HNRNPH1: variants seen among roughly 807,000 people sequenced by gnomAD.
HNRNPH1 encodes the protein heterogeneous nuclear ribonucleoprotein H1, also known as heterogeneous nuclear ribonucleoprotein H.
HNRNPH1 carries 4 observed loss-of-function variants against 58.6 expected under a neutral mutation model. That is an observed-to-expected ratio of 0.07 (90% confidence interval 0.03 to 0.16). The LOEUF is 0.16. HNRNPH1 is among the 10% of genes least tolerant of loss of function. The pLI, the probability that HNRNPH1 is intolerant of heterozygous loss-of-function variation, is 1.00. For missense variants in HNRNPH1, 271 were observed against 564.2 expected, an observed-to-expected ratio of 0.48 and a Z score of 5.26; for synonymous variants, 192 against 189.2, an observed-to-expected ratio of 1.01 and a Z score of -0.12.
intron 7 of HNRNPH1, 36 bp downstream of exon 8, chr5:179,617,763 C>T: frequency 6.2e-7 from 1 of 1,611,714 alleles, no homozygotes. Context: ...TACTGCCATA[C>T]TGAAATATTG....
At chr5:179,630,755 C>CA (rs1457426360) in intron 2 of HNRNPH1, among the ~76,000 whole-genome samples, 3 of 151,876 alleles carry the variant, frequency 2.0e-5, no homozygotes, top group Non-Finnish European at 4.4e-5. Flanking sequence ...ACTAAAAGTA[C>CA]AAAAAATCAG....
chr5:179,624,293 C>A (rs1774112184), exon 1 of HNRNPH1: 1 of 389,176 alleles, frequency 2.6e-6, no homozygotes, highest in Admixed American at 4.5e-5. Flanking sequence ...CGTCCCAGCC[C>A]TGTGTGCCTC....
At chr5:179,618,195 A>C (rs199693294) in exon 5 of HNRNPH1, 8 of 1,614,162 alleles carry the variant, frequency 5.0e-6, no homozygotes, top group Non-Finnish European at 6.8e-6. Flanking sequence ...TCCTCTGCCA[A>C]TGCTGTTATA....
chr5:179,632,257 A>T (rs532436362), intron 2 of HNRNPH1, among the ~76,000 whole-genome samples: 1 of 151,778 alleles, frequency 6.6e-6, no homozygotes, highest in African/African-American at 2.4e-5. Flanking sequence ...GCAGTGAGCC[A>T]AGATCCCGCC....
chr5:179,620,655 A>AT (rs1359859323), intron 3 of HNRNPH1: 1 of 447,440 alleles, frequency 2.2e-6, no homozygotes, highest in Non-Finnish European at 4.0e-6. Context: ...ATCCTCAATG[A>AT]AAGATCTACT....
At chr5:179,619,045 TAAG>T in intron 4 of HNRNPH1, 1 of 394,482 alleles carries the variant, frequency 2.5e-6, no homozygotes, top group Non-Finnish European at 4.6e-6. Flanking sequence ...TTGGGGTTAA[TAAG>T]ACTCACAAAA....
chr5:179,621,867 G>A, intron 1 of HNRNPH1: 1 of 451,650 alleles, frequency 2.2e-6, no homozygotes, highest in Non-Finnish European at 4.4e-6. Flanking sequence ...GTGTTACCAA[G>A]CTAAAATGCT....
chr5:179,618,451 G>A (rs1164846291), intron 4 of HNRNPH1, 128 bp from the exon 6 acceptor site: 8 of 567,468 alleles, frequency 1.4e-5, no homozygotes, highest in Middle Eastern at 9.6e-4. Flanking sequence ...TTTAAAGCCA[G>A]ATTTCTTATA....
chr5:179,617,944 A>G lies in HNRNPH1; in HGVS notation c.788-12T>C. The G allele has an allele frequency of 6.2e-7, 1 of 1,614,052 alleles. No homozygotes were observed. Among genetic ancestry groups the G allele is most frequent in the South Asian group, 1.1e-5 (1 of 91,076 alleles). ...ACAGTAATTGAGGTCTAGATGGACAAGAGTGTAAGCATCCTTCAACTGAGA... is the reference window on the plus strand; with the variant it reads ...ACAGTAATTGAGGTCTAGATGGACAGGAGTGTAAGCATCCTTCAACTGAGA... On this transcript the variant is annotated splice_polypyrimidine_tract_variant and intron_variant, in intron 6 of 12. Transcript: ENST00000356731.
intron 12 of HNRNPH1, 164 bp downstream of exon 13, chr5:179,615,382 G>A (rs1769028044): frequency 3.7e-5 from 19 of 508,928 alleles, no homozygotes. Flanking sequence ...CCTATTCATG[G>A]TGGGCAGGAA....
In HNRNPH1 at chr5:179,615,540, A is replaced by AT; in HGVS notation, c.*5dup. ...GGGAATTTATATTTTTTGAGAAAAT[A>AT]TTTACCTATGCAATGTTTGATTGAA... On this transcript the variant is annotated splice_donor_region_variant and intron_variant, in intron 12 of 12. Coordinates refer to ENST00000356731, the Ensembl canonical transcript of HNRNPH1. 6.8e-7 allele frequency: 1 copy of AT among 1,462,106 alleles called. No individual in the cohort carries two copies. Among genetic ancestry groups the AT allele is most frequent in the East Asian group, 2.3e-5 (1 of 43,870 alleles). 90.6% of individuals were successfully genotyped at this position (1,462,106 alleles called of 1,614,324 possible). A position where few individuals can be genotyped will look rare whatever the true frequency, so the allele number is the denominator to read the frequency against.
At chr5:179,620,950 T>C (rs1772041737) in exon 3 of HNRNPH1, 11 of 1,614,028 alleles carry the variant, frequency 6.8e-6, no homozygotes, top group Non-Finnish European at 9.3e-6. Context: ...CTCTAAGCCG[T>C]ACAAAGCCAT....
At chr5:179,630,844 G>C (rs1161408915) in intron 2 of HNRNPH1, among the ~76,000 whole-genome samples, 1 of 150,558 alleles carries the variant, frequency 6.6e-6, no homozygotes, top group Non-Finnish European at 1.5e-5. Flanking sequence ...CCGGGAGGCA[G>C]AGCTTGCAGT....
chr5:179,614,645 T>G (rs528675391), exon 13 of HNRNPH1: 21 of 445,484 alleles, frequency 4.7e-5, no homozygotes, highest in Non-Finnish European at 8.5e-5. Flanking sequence ...TTTACTCAGC[T>G]TCACTGTTAC....
At chr5:179,623,791 G>A (rs886801256) in exon 1 of HNRNPH1, 1 of 152,404 alleles carries the variant, frequency 6.6e-6, no homozygotes, top group African/African-American at 2.4e-5. Flanking sequence ...GTAATTTCAA[G>A]AGCCAGCCCA....
intron 3 of HNRNPH1, among the ~76,000 whole-genome samples, chr5:179,620,322 G>C (rs1351315473): frequency 6.6e-6 from 1 of 152,072 alleles, no homozygotes; most frequent in Non-Finnish European, 1.5e-5. Context: ...TTAGGCCCAG[G>C]AACAATTTCA....
rs1008314029 is a variant in HNRNPH1, at chr5:179,623,422, C to A, written c.-289G>T. On this transcript the variant is annotated 5_prime_UTR_variant, in exon 1 of 13. Coordinates refer to ENST00000356731, the Ensembl canonical transcript of HNRNPH1. Reference sequence around the variant, plus strand: ...GAAATGGCGGCGGCCGCTTCCGCTCCGCCTCCTCCGACTTCTCACACAATA... The same window carrying A: ...GAAATGGCGGCGGCCGCTTCCGCTCAGCCTCCTCCGACTTCTCACACAATA... The A allele has an allele frequency of 2.7e-5, 7 of 254,858 alleles. No individual in the cohort carries two copies. The East Asian group carries it at 7.0e-4, about 26-fold the overall frequency. The allele number at this position is 254,858 out of a possible 1,614,324, so 15.8% of individuals were successfully genotyped here. A position where few individuals can be genotyped will look rare whatever the true frequency, so the allele number is the denominator to read the frequency against.
At chr5:179,615,466 C>G (rs943891426) in intron 12 of HNRNPH1, 80 bp downstream of exon 13, 2 of 749,048 alleles carry the variant, frequency 2.7e-6, no homozygotes, top group Admixed American at 2.5e-5. Context: ...AAGTCAGAGC[C>G]ATTGACTGCT....
chr5:179,621,211 T>C, intron 2 of HNRNPH1, 31 bp downstream of exon 3: 2 of 1,603,210 alleles, frequency 1.2e-6, no homozygotes, highest in Non-Finnish European at 1.7e-6. Flanking sequence ...TAATGCTTTA[T>C]TTACTGTAAC....
Sources: allele counts gnomAD v4.1 joint callset (sites outside exome capture counted in the v4.1 genomes callset), GRCh38; gene constraint gnomAD v4.1.1; transcripts MANE v1.5; gene names NCBI Gene and HGNC (gene_info 2026-07-23, HGNC 2026-07-21).